The following FUT8 variants were observed in gnomAD, a reference collection of about 807,000 sequenced individuals.
The protein encoded by FUT8 is fucosyltransferase 8.
A neutral mutation model predicts 71.3 loss-of-function variants in FUT8; 29 were observed. That is an observed-to-expected ratio of 0.41 (90% CI 0.30 to 0.55). The LOEUF (loss-of-function observed/expected upper bound fraction) is 0.55, where lower values mean the gene tolerates loss of function less well. FUT8 is among the 20% of genes least tolerant of loss of function. The pLI, the probability that FUT8 is intolerant of heterozygous loss-of-function variation, is 0.34. For synonymous variants in FUT8, 254 were observed against 239.3 expected, an observed-to-expected ratio of 1.06 and a Z score of -0.57; for missense variants, 544 against 702.1, an observed-to-expected ratio of 0.77 and a Z score of 2.55.
At chr14:65,616,516 C>A in intron 5 of FUT8, 143 bp downstream of exon 5, 1 of 629,120 alleles carries the variant, frequency 1.6e-6, no homozygotes, top group Non-Finnish European at 2.5e-6. Flanking sequence ...ACCTGAGGTC[C>A]CAAAGGATGG....
chr14:65,631,528 T>C (rs1890178590), intron 6 of FUT8, among the ~76,000 whole-genome samples: 3 of 152,222 alleles, frequency 2.0e-5, no homozygotes, highest in Non-Finnish European at 4.4e-5. Flanking sequence ...TTAAATCTTT[T>C]AAACTATAGC....
At chr14:65,717,164 G>A (rs1456301652) in intron 7 of FUT8, among the ~76,000 whole-genome samples, 6 of 125,946 alleles carry the variant, frequency 4.8e-5, no homozygotes, top group Admixed American at 1.6e-4. Context: ...CCGGGCAGAG[G>A]CGCTTCTCAC....
At chr14:65,655,475 C>CA (rs575608113) in intron 6 of FUT8, among the ~76,000 whole-genome samples, 2,031 of 49,304 alleles carry the variant, frequency 0.041, 67 homozygotes, top group African/African-American at 0.098. Context: ...GACTCCGTCT[C>CA]AAAAAAAAAA....
At chr14:65,632,080 T>C (rs185330311) in intron 6 of FUT8, among the ~76,000 whole-genome samples, 1 of 152,186 alleles carries the variant, frequency 6.6e-6, no homozygotes, top group Non-Finnish European at 1.5e-5. Flanking sequence ...TACATATACA[T>C]ATACACATAC....
intron 2 of FUT8, among the ~76,000 whole-genome samples, chr14:65,518,185 C>T (rs1392280877): frequency 6.6e-6 from 1 of 152,144 alleles, no homozygotes. Flanking sequence ...AGTGTTCCTA[C>T]TCTTAATTTC....
At chr14:65,575,878 C>T (rs567477278) in intron 3 of FUT8, among the ~76,000 whole-genome samples, 29 of 152,208 alleles carry the variant, frequency 1.9e-4, no homozygotes, top group South Asian at 8.3e-4. Flanking sequence ...CCTTGGCCTC[C>T]CCAAGTGCTA....
intron 2 of FUT8, among the ~76,000 whole-genome samples, chr14:65,543,534 G>A (rs1566813482): frequency 6.6e-6 from 1 of 151,474 alleles, no homozygotes; most frequent in Non-Finnish European, 1.5e-5. Flanking sequence ...AAGAGGGTGA[G>A]TGTTTTTTTA....
rs530974735 is a variant in FUT8 at position 65,588,177 on chromosome 14, C to A, written c.203+26411C>A. The stretch of plus-strand genomic sequence containing the variant: ...CTTCCACCTTAACCTCCCTTTTCAT[C>A]TTCATTTCCTGTTCTCCCCTGTACC... On this transcript the variant is annotated intron_variant, in intron 3 of 10. Transcript: ENST00000673929. Among the ~76,000 whole-genome samples the A allele has an allele frequency of 2.0e-5, 3 of 152,282 alleles. No homozygotes were observed. In the South Asian group the frequency reaches 6.2e-4, roughly 32 times the overall value.
intron 2 of FUT8, among the ~76,000 whole-genome samples, chr14:65,479,545 C>T (rs562528380): frequency 3.3e-5 from 5 of 151,510 alleles, no homozygotes; most frequent in Non-Finnish European, 5.9e-5. Flanking sequence ...TTTCTTCCTC[C>T]CTCCTTCCCT....
chr14:65,656,702 T>C (rs1033852652), intron 6 of FUT8, among the ~76,000 whole-genome samples: 3 of 151,954 alleles, frequency 2.0e-5, no homozygotes, highest in Non-Finnish European at 4.4e-5. Flanking sequence ...ACCTCAAAAG[T>C]AGAGGAATCA....
intron 5 of FUT8, among the ~76,000 whole-genome samples, chr14:65,618,397 T>C (rs1051082894): frequency 3.9e-5 from 6 of 152,244 alleles, no homozygotes; most frequent in African/African-American, 9.6e-5. Context: ...TGCCATTTAG[T>C]ATGTTAAATA....
At chr14:65,494,757 A>G (rs578204964) in intron 2 of FUT8, among the ~76,000 whole-genome samples, 4 of 152,192 alleles carry the variant, frequency 2.6e-5, no homozygotes, top group Admixed American at 6.6e-5. Flanking sequence ...GAATGAAACT[A>G]TAAACATATT....
chr14:65,363,579 C>T, the FUT8 span, among the ~76,000 whole-genome samples: 30 of 152,138 alleles, frequency 2.0e-4, no homozygotes, highest in Non-Finnish European at 4.0e-4. Flanking sequence ...CTGCCCATTT[C>T]CTGAAGGAGG....
intron 2 of FUT8, among the ~76,000 whole-genome samples, chr14:65,533,627 A>AT (rs369541870): frequency 6.7e-6 from 1 of 150,312 alleles, no homozygotes; most frequent in Non-Finnish European, 1.5e-5. Flanking sequence ...TATGCCCTTT[A>AT]TTTTTTTTTC....
chr14:65,476,303 C>T (rs1000595080), intron 2 of FUT8, among the ~76,000 whole-genome samples: 5 of 152,128 alleles, frequency 3.3e-5, no homozygotes, highest in Non-Finnish European at 1.5e-5. Context: ...TTCAGGGAGG[C>T]CTGGCTTCAT....
At chr14:65,705,413 C>T (rs886771696) in intron 7 of FUT8, among the ~76,000 whole-genome samples, 4 of 152,276 alleles carry the variant, frequency 2.6e-5, no homozygotes, top group African/African-American at 9.6e-5. Context: ...TTTCTGTGTT[C>T]ATTTTAAATG....
chr14:65,488,314 C>T (rs949599593), intron 2 of FUT8: 12 of 152,192 alleles, frequency 7.9e-5, no homozygotes, highest in African/African-American at 2.7e-4. Flanking sequence ...CTTCATCCTT[C>T]TGTGATGATC....
chr14:65,413,701 C>G lies in FUT8; in HGVS notation c.-326+487C>G, dbSNP rs1228115233. ...CTCGGGCTAGAAAGCAGGGAGTGGACCCTCACAAAGATCCGCGAGGGACTG... is the reference window on the plus strand; with the variant it reads ...CTCGGGCTAGAAAGCAGGGAGTGGAGCCTCACAAAGATCCGCGAGGGACTG... On this transcript the variant is annotated intron_variant, in intron 1 of 10. Coordinates refer to ENST00000673929, the MANE Select transcript of FUT8 (RefSeq NM_001371533.1). This position sits in a 1 kb window ranked among gnomAD's most constrained non-coding sequence, Gnocchi z 4.1. Among the ~76,000 whole-genome samples, 1 of 152,136 alleles carries G rather than the reference C, an allele frequency of 6.6e-6. No individual in the cohort carries two copies. Among genetic ancestry groups the G allele is most frequent in the Non-Finnish European group, 1.5e-5 (1 of 68,026 alleles).
chr14:65,383,486 G>A, the FUT8 span, among the ~76,000 whole-genome samples: 7 of 152,004 alleles, frequency 4.6e-5, no homozygotes, highest in African/African-American at 1.4e-4. Context: ...TGTTGGCCAG[G>A]CTGGTGAACT....
Sources: gnomAD v4.1 joint callset for allele counts (sites outside exome capture counted in the v4.1 genomes callset) on GRCh38, gnomAD v4.1.1 for gene constraint, Gnocchi (gnomAD v3.1) non-coding constraint, MANE v1.5 for transcripts, NCBI Gene and HGNC (gene_info 2026-07-23, HGNC 2026-07-21) for gene names.